The following KIRREL3 variants were observed in gnomAD, a reference collection of about 807,000 sequenced individuals.
The protein encoded by KIRREL3 is kin of IRRE-like protein 3.
KIRREL3 carries 36 observed loss-of-function variants against 89.7 expected under a neutral mutation model. The ratio of observed to expected loss-of-function variants is 0.40; its 90% confidence interval spans 0.31 to 0.53. The LOEUF is 0.53. Among genes scored for constraint, KIRREL3 ranks in the 20% least tolerant of loss-of-function variants. The pLI is 0.49. For synonymous variants in KIRREL3, 445 were observed against 441.4 expected (o/e 1.01, Z -0.10); for missense variants, 864 against 1,056.6 (o/e 0.82, Z 2.53).
Position 126,837,787 on chromosome 11 carries a change from T to C in KIRREL3, c.55+162668A>G, listed in dbSNP as rs1487684449. Among the ~76,000 whole-genome samples, 1 of 152,174 alleles carries C rather than the reference T, an allele frequency of 6.6e-6. No individual in the cohort carries two copies. Among genetic ancestry groups the C allele is most frequent in the Non-Finnish European group, 1.5e-5 (1 of 68,040 alleles). On this transcript the variant is annotated intron_variant, in intron 1 of 16. Transcript: ENST00000525144. This position sits in a 1 kb window ranked among gnomAD's most constrained non-coding sequence, Gnocchi z 4.7. ...AACACTACCTCTCACAATGGAAGCT[T>C]TGTTTATTTCACATGGGACAGCAAC...
intron 6 of KIRREL3, among the ~76,000 whole-genome samples, chr11:126,457,966 C>T (rs1322693700): frequency 6.6e-6 from 1 of 152,214 alleles, no homozygotes; most frequent in Non-Finnish European, 1.5e-5. Flanking sequence ...GGCTCTGGAT[C>T]CTCTCCAGAG....
chr11:126,721,343 C>T (rs1948162322), intron 1 of KIRREL3, among the ~76,000 whole-genome samples: 1 of 151,942 alleles, frequency 6.6e-6, no homozygotes, highest in African/African-American at 2.4e-5. Context: ...CCAGCTTGAC[C>T]AACATGGAGA....
At chr11:126,446,285 C>CTTTCTTTCTTTCTTTCTTTCTTTCTTT (rs111774154) in intron 9 of KIRREL3, among the ~76,000 whole-genome samples, 4 of 143,282 alleles carry the variant, frequency 2.8e-5, no homozygotes, top group African/African-American at 7.8e-5. Flanking sequence ...TTTTCTTTCT[C>CTTTCTTTCTTTCTTTCTTTCTTTCTTT]CTTTCTTTCT....
rs981308932 is a variant in KIRREL3 at position 126,900,133 on chromosome 11, G to A, written c.55+100322C>T. On this transcript the variant is annotated intron_variant, in intron 1 of 16. Coordinates refer to ENST00000525144, the MANE Select transcript of KIRREL3 (RefSeq NM_032531.4). The surrounding 1 kb of genome is among the most constrained non-coding windows in gnomAD (Gnocchi z 4.4). ...AATGGAGACACACTCCTTGGGTCAG[G>A]AAACTAAATGTGAGTGTATCTGTTC... Among the ~76,000 whole-genome samples the A allele has an allele frequency of 6.6e-6, 1 of 152,196 alleles. No individual in the cohort carries two copies. Among genetic ancestry groups the A allele is most frequent in the Non-Finnish European group, 1.5e-5 (1 of 68,048 alleles).
intron 2 of KIRREL3, among the ~76,000 whole-genome samples, chr11:126,543,705 C>T (rs1208483895): frequency 6.6e-6 from 1 of 152,196 alleles, no homozygotes; most frequent in East Asian, 1.9e-4. Context: ...AAACCTCTCC[C>T]ATGGTGCCCT....
At chr11:126,882,689 C>T (rs1008335760) in intron 1 of KIRREL3, among the ~76,000 whole-genome samples, 1 of 152,230 alleles carries the variant, frequency 6.6e-6, no homozygotes, top group Non-Finnish European at 1.5e-5. Context: ...TTGACATTCT[C>T]GACTGCCTAA....
intron 1 of KIRREL3, among the ~76,000 whole-genome samples, chr11:126,799,466 G>GCA (rs1950959964): frequency 6.7e-6 from 1 of 149,472 alleles, no homozygotes; most frequent in Non-Finnish European, 1.5e-5. Flanking sequence ...GTGTGCATGT[G>GCA]TGTATCTGTG....
In KIRREL3 at chr11:126,564,606, A is replaced by C. The variant is rs1268633209; in HGVS notation, c.56-1694T>G. Among the ~76,000 whole-genome samples the C allele has an allele frequency of 6.6e-6, 1 of 152,196 alleles. No homozygotes were observed. Among genetic ancestry groups the C allele is most frequent in the Non-Finnish European group, 1.5e-5 (1 of 68,034 alleles). On this transcript the variant is annotated intron_variant, in intron 1 of 16. Transcript: ENST00000525144. This position sits in a 1 kb window ranked among gnomAD's most constrained non-coding sequence, Gnocchi z 7.4. Reference sequence around the variant, plus strand: ...CCGCCCTCACTTCAAACGGTCTTACATCTCAGGCACCCAAATTGACGATGT... The same window carrying C: ...CCGCCCTCACTTCAAACGGTCTTACCTCTCAGGCACCCAAATTGACGATGT...
intron 1 of KIRREL3, among the ~76,000 whole-genome samples, chr11:126,654,525 A>G (rs1945045704): frequency 6.6e-6 from 1 of 152,132 alleles, no homozygotes; most frequent in Non-Finnish European, 1.5e-5. Flanking sequence ...AACTACGGGT[A>G]ACAGTTAAAG....
At chr11:126,448,279 C>CA (rs55787866) in intron 8 of KIRREL3, among the ~76,000 whole-genome samples, 1,294 of 95,036 alleles carry the variant, frequency 0.014, 14 homozygotes, top group African/African-American at 0.028. Flanking sequence ...GAGACTGTCT[C>CA]AAAAAAAAAA....
chr11:126,733,854 A>G (rs1337252693), intron 1 of KIRREL3, among the ~76,000 whole-genome samples: 5 of 152,204 alleles, frequency 3.3e-5, no homozygotes, highest in Non-Finnish European at 7.3e-5. Flanking sequence ...TGTCATGCCT[A>G]TGGATTCTCT....
In KIRREL3 at chr11:126,431,018, T is replaced by TA; in HGVS notation, c.1696+400_1696+401insT. On this transcript the variant is annotated intron_variant, in intron 14 of 16. Transcript: ENST00000525144. This position sits in a 1 kb window ranked among gnomAD's most constrained non-coding sequence, Gnocchi z 7.1. ...CTGTGTGAGTGACCTGCTTTTCTGG[T>TA]GAGACTAGCAGCTCTTTATTTTTAT... The TA allele has an allele frequency of 8.6e-7, 1 of 1,158,500 alleles. No homozygotes were observed. The highest frequency in any genetic ancestry group is 1.1e-6 in the Non-Finnish European group (1 of 940,632). The allele number at this position is 1,158,500 out of a possible 1,614,324, so 71.8% of individuals were successfully genotyped here. A position where few individuals can be genotyped will look rare whatever the true frequency, so the allele number is the denominator to read the frequency against.
At chr11:126,600,874 G>T (rs544939934) in intron 1 of KIRREL3, among the ~76,000 whole-genome samples, 1 of 152,236 alleles carries the variant, frequency 6.6e-6, no homozygotes, top group East Asian at 1.9e-4. Context: ...TTCAGTTAGG[G>T]TTACTGTTCC....
At chr11:126,854,452 C>T (rs1055787890) in intron 1 of KIRREL3, among the ~76,000 whole-genome samples, 11 of 152,172 alleles carry the variant, frequency 7.2e-5, no homozygotes, top group African/African-American at 2.2e-4. Flanking sequence ...ACTCCACGGA[C>T]ATCATATAAG....
In KIRREL3 at chr11:126,948,517, C is replaced by A. The variant is rs1462020099; in HGVS notation, c.55+51938G>T. ...TGCCCAAAGAACTAGCATAGTTCTT[C>A]CCCAGGGTTATGAGATCAAGAAAAC... On this transcript the variant is annotated intron_variant, in intron 1 of 16. Coordinates refer to ENST00000525144, the MANE Select transcript of KIRREL3 (RefSeq NM_032531.4). This position sits in a 1 kb window ranked among gnomAD's most constrained non-coding sequence, Gnocchi z 4.5. Among the ~76,000 whole-genome samples the A allele has an allele frequency of 2.0e-5, 3 of 152,146 alleles. No individual in the cohort carries two copies. The highest frequency in any genetic ancestry group is 4.4e-5 in the Non-Finnish European group (3 of 68,026).
chr11:126,457,189 G>GTGTGTGTGTGTGTGTGTGTGTGTGTA (rs1956374399), intron 6 of KIRREL3, among the ~76,000 whole-genome samples: 1 of 148,414 alleles, frequency 6.7e-6, no homozygotes, highest in Non-Finnish European at 1.5e-5. Flanking sequence ...GAGATTATGT[G>GTGTGTGTGTGTGTGTGTGTGTGTGTA]TGTGTGTGTG....
rs1951267408 is a variant in KIRREL3 at position 126,808,220 on chromosome 11, A to G, written c.55+192235T>C. Reference sequence around the variant, plus strand: ...TAAAGGAAAGAGGGATCCATGGAGTAAGAGGTCCCTTCAGGGGAGTCATTA... The same window carrying G: ...TAAAGGAAAGAGGGATCCATGGAGTGAGAGGTCCCTTCAGGGGAGTCATTA... On this transcript the variant is annotated intron_variant, in intron 1 of 16. Transcript: ENST00000525144. This position sits in a 1 kb window ranked among gnomAD's most constrained non-coding sequence, Gnocchi z 4.1. 6.6e-6 allele frequency among the ~76,000 whole-genome samples: 1 copy of G among 152,338 alleles called. No individual in the cohort carries two copies. The highest frequency in any genetic ancestry group is 2.4e-5 in the African/African-American group (1 of 41,584).
At chr11:126,871,396 G>A (rs1945103963) in intron 1 of KIRREL3, among the ~76,000 whole-genome samples, 1 of 152,026 alleles carries the variant, frequency 6.6e-6, no homozygotes, top group African/African-American at 2.4e-5. Flanking sequence ...TGTGACTTTG[G>A]GTAAGTCACT....
At chr11:126,873,105 G>A (rs1945162028) in intron 1 of KIRREL3, among the ~76,000 whole-genome samples, 1 of 152,164 alleles carries the variant, frequency 6.6e-6, no homozygotes, top group Non-Finnish European at 1.5e-5. Context: ...TCTGTCAAAA[G>A]TGTAATATAT....
Sources: gnomAD v4.1 joint callset for allele counts (sites outside exome capture counted in the v4.1 genomes callset) on GRCh38, gnomAD v4.1.1 for gene constraint, Gnocchi (gnomAD v3.1) non-coding constraint, MANE v1.5 for transcripts, NCBI Gene and HGNC (gene_info 2026-07-23, HGNC 2026-07-21) for gene names.